CCDC178: variants seen among roughly 807,000 people sequenced by gnomAD.
The protein encoded by CCDC178 is coiled-coil domain-containing protein 178.
A neutral mutation model predicts 117.4 loss-of-function variants in CCDC178; 126 were observed. The ratio of observed to expected loss-of-function variants is 1.07; its 90% CI spans 0.93 to 1.24. The LOEUF (loss-of-function observed/expected upper bound fraction) is 1.24, where lower values mean the gene tolerates loss of function less well. Among genes scored for constraint, CCDC178 ranks in the 50% most tolerant of loss-of-function variants. The probability of loss-of-function intolerance (pLI) is 0.00; values close to 1 mark genes in which losing one functional copy is unlikely to be tolerated. For synonymous variants in CCDC178, 283 were observed against 313.4 expected, an observed-to-expected ratio of 0.90 and a Z score of 1.02; for missense variants, 1,030 against 986.9, an observed-to-expected ratio of 1.04 and a Z score of -0.59.
chr18:33,102,424 T>TAA (rs36099291), intron 20 of CCDC178, among the ~76,000 whole-genome samples: 4,910 of 118,378 alleles, frequency 0.041, 149 homozygotes, highest in East Asian at 0.11. Context: ...TGCTTTGAAG[T>TAA]AAAAAAAAAA....
At chr18:33,192,145 T>TA (rs1469146312) in intron 20 of CCDC178, among the ~76,000 whole-genome samples, 1 of 152,234 alleles carries the variant, frequency 6.6e-6, no homozygotes, top group East Asian at 1.9e-4. Flanking sequence ...CATTTGTACT[T>TA]ATGTACAGTT....
intron 20 of CCDC178, among the ~76,000 whole-genome samples, chr18:33,152,562 G>A (rs1020854583): frequency 6.6e-6 from 1 of 151,934 alleles, no homozygotes; most frequent in African/African-American, 2.4e-5. Flanking sequence ...ATCATGTAAG[G>A]GAATGGGGCC....
chr18:33,013,176 T>A (rs1468281285), intron 21 of CCDC178, among the ~76,000 whole-genome samples: 1 of 152,186 alleles, frequency 6.6e-6, no homozygotes, highest in African/African-American at 2.4e-5. Flanking sequence ...TAGTTTCTCC[T>A]CCTTTTGAAA....
chr18:33,212,920 C>T (rs532623546), intron 19 of CCDC178, among the ~76,000 whole-genome samples: 2 of 152,108 alleles, frequency 1.3e-5, no homozygotes, highest in South Asian at 4.1e-4. Context: ...ATTAAGGTAT[C>T]TGAAAAAGCT....
chr18:33,318,474 C>A (rs1175028196), intron 11 of CCDC178, among the ~76,000 whole-genome samples: 1 of 152,006 alleles, frequency 6.6e-6, no homozygotes, highest in East Asian at 1.9e-4. Context: ...GATAATAAGC[C>A]AGAAGAAAGT....
intron 21 of CCDC178, among the ~76,000 whole-genome samples, chr18:32,984,964 G>A (rs1375676408): frequency 6.6e-6 from 1 of 151,830 alleles, no homozygotes; most frequent in Non-Finnish European, 1.5e-5. Flanking sequence ...ATGAGCTGTG[G>A]TTGAGCAATT....
intron 22 of CCDC178, among the ~76,000 whole-genome samples, chr18:32,973,982 T>C (rs1320547776): frequency 1.3e-5 from 2 of 152,160 alleles, no homozygotes; most frequent in Admixed American, 6.6e-5. Context: ...TATATCATTC[T>C]TAAAATGAAA....
intron 15 of CCDC178, among the ~76,000 whole-genome samples, chr18:33,236,404 C>G (rs1356013394): frequency 1.3e-5 from 2 of 152,044 alleles, no homozygotes; most frequent in Non-Finnish European, 2.9e-5. Context: ...AACTCTGAAG[C>G]AGATATGCAT....
At chr18:33,414,997 T>C (rs1331767389) in intron 2 of CCDC178, among the ~76,000 whole-genome samples, 7 of 152,062 alleles carry the variant, frequency 4.6e-5, no homozygotes, top group Non-Finnish European at 8.8e-5. Context: ...AAAACCACAA[T>C]GAGATACCAT....
intron 9 of CCDC178, among the ~76,000 whole-genome samples, chr18:33,341,271 A>G (rs1459287366): frequency 6.6e-6 from 1 of 152,122 alleles, no homozygotes; most frequent in African/African-American, 2.4e-5. Flanking sequence ...AGCTGTATTT[A>G]CCCAATACCC....
At chr18:33,427,080 T>C (rs528527126) in intron 2 of CCDC178, among the ~76,000 whole-genome samples, 27 of 152,118 alleles carry the variant, frequency 1.8e-4, no homozygotes, top group Non-Finnish European at 4.0e-4. Context: ...TCACAGATTC[T>C]AGGGAAAATA....
At position 32,977,822 on chromosome 18, in the gene CCDC178, TC is replaced by T. The variant is rs543113346; in HGVS notation, c.2389-3142del. On this transcript the variant is annotated intron_variant, in intron 21 of 22. Transcript: ENST00000383096. ...TTTCCCCCAAGAGATCCTAGGATAC[TC>T]GGAACTACACCTATGAACAAAGATT... Among the ~76,000 whole-genome samples, 436 of 152,238 alleles carry T rather than the reference TC, an allele frequency of 2.9e-3. 1 individual carries two copies. Among genetic ancestry groups the T allele is most frequent in the African/African-American group, 9.5e-3 (396 of 41,544 alleles).
intron 21 of CCDC178, among the ~76,000 whole-genome samples, chr18:33,036,108 G>T (rs1337104303): frequency 1.3e-5 from 2 of 151,842 alleles, no homozygotes; most frequent in Non-Finnish European, 2.9e-5. Flanking sequence ...AATGGCAAAT[G>T]TAGTAGACAC....
At chr18:33,110,048 A>C (rs1366806206) in intron 20 of CCDC178, among the ~76,000 whole-genome samples, 1 of 151,624 alleles carries the variant, frequency 6.6e-6, no homozygotes, top group Non-Finnish European at 1.5e-5. Flanking sequence ...GAGATGTCTG[A>C]GAGTTCCTGT....
At chr18:33,307,284 G>C (rs1257647662) in intron 11 of CCDC178, among the ~76,000 whole-genome samples, 1 of 152,206 alleles carries the variant, frequency 6.6e-6, no homozygotes, top group African/African-American at 2.4e-5. Flanking sequence ...TGCTGATAGT[G>C]ATATGGACAA....
chr18:33,079,759 T>C (rs2057268067), intron 21 of CCDC178, among the ~76,000 whole-genome samples: 1 of 152,148 alleles, frequency 6.6e-6, no homozygotes, highest in Non-Finnish European at 1.5e-5. Context: ...ATGGCTATTA[T>C]TAAAAGGTCA....
chr18:33,303,190 G>C (rs2144916124), intron 11 of CCDC178, among the ~76,000 whole-genome samples: 1 of 152,242 alleles, frequency 6.6e-6, no homozygotes, highest in Admixed American at 6.5e-5. Flanking sequence ...GCCATGGAAA[G>C]ACAAGGAGAA....
At position 33,224,859 on chromosome 18, in the gene CCDC178, C is replaced by T; in HGVS notation, c.1734G>A (p.Met578Ile). Residue 578 changes from methionine (M) to isoleucine (I), a missense_variant, in exon 17 of 23, where the codon ATG becomes ATA. Transcript: ENST00000383096. The part of the protein sequence containing the change: ...ELIKNRAICA[M>I]SLAELQEPLL... ...GAGGTTCCTGTAGTTCTGCCAGTGACATGGCACATATTGCTCTATTTTTTA... is the reference window on the plus strand; with the variant it reads ...GAGGTTCCTGTAGTTCTGCCAGTGATATGGCACATATTGCTCTATTTTTTA... 1 of 1,585,858 alleles carries T rather than the reference C, an allele frequency of 6.3e-7. No individual in the cohort carries two copies. The highest frequency in any genetic ancestry group is 8.6e-7 in the Non-Finnish European group (1 of 1,164,382).
intron 20 of CCDC178, among the ~76,000 whole-genome samples, chr18:33,145,820 T>C (rs1175198962): frequency 6.6e-6 from 1 of 152,178 alleles, no homozygotes; most frequent in Non-Finnish European, 1.5e-5. Context: ...CTTTGTTACT[T>C]TGTGAAAGTG....
Sources: gnomAD v4.1 joint callset for allele counts (sites outside exome capture counted in the v4.1 genomes callset) on GRCh38, gnomAD v4.1.1 for gene constraint, MANE v1.5 for transcripts, NCBI Gene and HGNC (gene_info 2026-07-23, HGNC 2026-07-21) for gene names.